Variants in SNX31 observed in about 807,000 individuals in gnomAD.
The protein encoded by SNX31 is sorting nexin 31, also known as sorting nexin-31.
SNX31 carries 58 observed loss-of-function variants against 65.4 expected under a neutral mutation model. That is an observed-to-expected ratio of 0.89 (90% CI 0.72 to 1.10). The LOEUF (loss-of-function observed/expected upper bound fraction) is 1.10. Among genes scored for constraint, SNX31 ranks in the 50% least tolerant of loss-of-function variants. The probability of loss-of-function intolerance (pLI) is 0.00; values close to 1 mark genes in which losing one functional copy is unlikely to be tolerated. For synonymous variants in SNX31, 181 were observed against 190.1 expected (o/e 0.95, Z 0.39); for missense variants, 523 against 529.7 (o/e 0.99, Z 0.12).
intron 11 of SNX31, among the ~76,000 whole-genome samples, chr8:100,584,629 G>T (rs1374721635): frequency 6.6e-6 from 1 of 151,586 alleles, no homozygotes; most frequent in Non-Finnish European, 1.5e-5. Flanking sequence ...CCTCTACTGG[G>T]CATAAAAGTA....
chr8:100,577,180 G>A (rs1053469044), intron 12 of SNX31, 105 bp from the exon 13 acceptor site: 21 of 979,134 alleles, frequency 2.1e-5, no homozygotes, highest in Non-Finnish European at 2.6e-5. Context: ...CCTCTTAATC[G>A]TCCCAAAGGC....
At chr8:100,617,058 C>A (rs187076038) in intron 5 of SNX31, among the ~76,000 whole-genome samples, 248 of 152,234 alleles carry the variant, frequency 1.6e-3, no homozygotes, top group African/African-American at 5.8e-3. Context: ...GTCTGGGAGG[C>A]AGAGCTGCTG....
chr8:100,594,018 G>A lies in SNX31; in HGVS notation c.978+2621C>T, dbSNP rs1198286149. Among the ~76,000 whole-genome samples the A allele has an allele frequency of 6.6e-6, 1 of 152,034 alleles. No homozygotes were observed. The highest frequency in any genetic ancestry group is 1.5e-5 in the Non-Finnish European group (1 of 68,008). On this transcript the variant is annotated intron_variant, in intron 10 of 13. Transcript: ENST00000311812. This position sits in a 1 kb window ranked among gnomAD's most constrained non-coding sequence, Gnocchi z 4.0. ...GTTTAAGAGGATGAAAAACTATAGA[G>A]TGGGCCAGGTGTGGTGGCTCACACC...
intron 10 of SNX31, among the ~76,000 whole-genome samples, chr8:100,595,989 A>C (rs867771078): frequency 2.0e-5 from 3 of 152,216 alleles, no homozygotes; most frequent in African/African-American, 7.2e-5. Context: ...ATCGAATGCC[A>C]CAGAGAGGTC....
In SNX31 at chr8:100,649,326, C is replaced by T; in HGVS notation, c.89G>A (p.Gly30Glu). Residue 30 changes from glycine to glutamate, a missense_variant, in exon 2 of 14, where the codon GGG becomes GAG. Gly to Glu is a moderately conservative substitution (Grantham distance 98, BLOSUM62 -2). Transcript: ENST00000311812. ...RYVLYSVHLD[G>E]FLFCRVRYSQ... ...GTAGCGCACCCTGCAGAAGAGGAAC[C>T]CGTCCAGGTGCACGGAGTACAGCTG... The T allele has an allele frequency of 1.2e-6, 2 of 1,614,084 alleles. No individual in the cohort carries two copies. The highest frequency in any genetic ancestry group is 4.5e-5 in the East Asian group (2 of 44,880).
chr8:100,632,879 G>C (rs1413574739), intron 3 of SNX31, among the ~76,000 whole-genome samples: 1 of 152,028 alleles, frequency 6.6e-6, no homozygotes, highest in East Asian at 1.9e-4. Context: ...TTACAGGTGT[G>C]AGCCACCACG....
chr8:100,589,301 CAAA>C (rs35464482), intron 10 of SNX31, among the ~76,000 whole-genome samples: 2 of 96,424 alleles, frequency 2.1e-5, no homozygotes, highest in Non-Finnish European at 4.4e-5. Flanking sequence ...GACTTCGTCT[CAAA>C]AAAAAAAAAA....
intron 9 of SNX31, 120 bp from the exon 10 acceptor site, chr8:100,596,962 G>A (rs866980919): frequency 6.1e-6 from 5 of 822,760 alleles, no homozygotes; most frequent in Non-Finnish European, 1.0e-5. Context: ...ATGGAACTGA[G>A]TCACAGTGAA....
chr8:100,649,161 G>A lies in SNX31; in HGVS notation c.141+113C>T, dbSNP rs574650029. On this transcript the variant is annotated intron_variant, in intron 2 of 13. Transcript: ENST00000311812. ...GACCCTGTTTCACAATAGGAAGCCC[G>A]AGGCCGTGAAAGGCCCAGTGTCTTG... is the stretch of plus-strand genomic sequence containing the variant. 8.0e-5 allele frequency: 80 copies of A among 997,820 alleles called. 1 individual carries two copies. In the South Asian group the frequency reaches 1.1e-3, roughly 13 times the overall value. 61.8% of individuals were successfully genotyped at this position (997,820 alleles called of 1,614,324 possible).
Position 100,656,251 on chromosome 8 carries a change from C to T in SNX31, c.-58+6891G>A, listed in dbSNP as rs112714999. Among the ~76,000 whole-genome samples the T allele has an allele frequency of 2.6e-4, 39 of 152,298 alleles. 1 individual carries two copies. Among genetic ancestry groups the T allele is most frequent in the African/African-American group, 8.7e-4 (36 of 41,572 alleles). ...CATGCTTGGTCTCTCAAGTCACCTG[C>T]TTGTCCCTCTTCCAAGTGTACTTTC... is the stretch of plus-strand genomic sequence containing the variant. On this transcript the variant is annotated intron_variant, in intron 1 of 5. Coordinates refer to the SNX31 transcript ENST00000520352.
intron 13 of SNX31, among the ~76,000 whole-genome samples, chr8:100,574,684 C>T (rs930423152): frequency 4.6e-5 from 7 of 151,816 alleles, no homozygotes; most frequent in African/African-American, 1.5e-4. Context: ...CCTGTAATCC[C>T]AGCACGTTGG....
chr8:100,598,588 G>A (rs1021282236), intron 9 of SNX31, among the ~76,000 whole-genome samples: 1 of 151,614 alleles, frequency 6.6e-6, no homozygotes, highest in South Asian at 2.1e-4. Flanking sequence ...TTCGATAAAA[G>A]GGTGTTGTGA....
rs1418741146 is a variant in SNX31 at position 100,612,452 on chromosome 8, T to C, written c.524-365A>G. On this transcript the variant is annotated intron_variant, in intron 6 of 13. Coordinates refer to ENST00000311812, the MANE Select transcript of SNX31 (RefSeq NM_152628.4). This position sits in a 1 kb window ranked among gnomAD's most constrained non-coding sequence, Gnocchi z 4.3. ...TCCCCTGGCTTCTTGAGGACATTTA[T>C]AAACTACTTTAATATAACTGATACC... 6.7e-6 allele frequency among the ~76,000 whole-genome samples: 1 copy of C among 150,064 alleles called. No individual in the cohort carries two copies.
intron 2 of SNX31, among the ~76,000 whole-genome samples, chr8:100,641,565 A>AAATATAT (rs1554587369): frequency 1.2e-4 from 4 of 32,104 alleles, no homozygotes; most frequent in East Asian, 8.1e-4. Context: ...AAAAAAAAAA[A>AAATATAT]ATATATATAT....
rs1238723031 is a variant in SNX31 at position 100,618,391 on chromosome 8, A to G, written c.322-661T>C. On this transcript the variant is annotated intron_variant, in intron 4 of 13. Transcript: ENST00000311812. ...ATATCCCTGATTTTTTCTGACACTAATTGTGGGTGGGGGCAGGGGGAAGGT... is the reference window on the plus strand; with the variant it reads ...ATATCCCTGATTTTTTCTGACACTAGTTGTGGGTGGGGGCAGGGGGAAGGT... 25 of 1,482,962 alleles carry G rather than the reference A, an allele frequency of 1.7e-5. No homozygotes were observed. In the East Asian group the frequency reaches 5.9e-4, roughly 35 times the overall value. The allele number at this position is 1,482,962 out of a possible 1,614,324, so 91.9% of individuals were successfully genotyped here.
intron 5 of SNX31, among the ~76,000 whole-genome samples, chr8:100,617,089 G>A (rs943669526): frequency 6.6e-6 from 1 of 152,046 alleles, no homozygotes; most frequent in Non-Finnish European, 1.5e-5. Context: ...AAGCCTTCTG[G>A]GTCTTGTCCT....
chr8:100,662,849 T>A (rs1213844961), intron 1 of SNX31, among the ~76,000 whole-genome samples: 2 of 152,170 alleles, frequency 1.3e-5, no homozygotes, highest in Non-Finnish European at 2.9e-5. Flanking sequence ...AAATATTTGT[T>A]CCCAAAAATA....
At chr8:100,646,120 C>T (rs1469764783) in intron 2 of SNX31, among the ~76,000 whole-genome samples, 1 of 151,988 alleles carries the variant, frequency 6.6e-6, no homozygotes, top group East Asian at 1.9e-4. Flanking sequence ...TGAAGCTTCA[C>T]TGAAAAACCA....
intron 4 of SNX31, among the ~76,000 whole-genome samples, chr8:100,621,516 C>T (rs1487415262): frequency 6.6e-6 from 1 of 152,108 alleles, no homozygotes; most frequent in African/African-American, 2.4e-5. Context: ...TCCATATTTC[C>T]CATCTTAAAT....
Sources: gnomAD v4.1 joint callset for allele counts (sites outside exome capture counted in the v4.1 genomes callset) on GRCh38, gnomAD v4.1.1 for gene constraint, Gnocchi (gnomAD v3.1) non-coding constraint, MANE v1.5 for transcripts, NCBI Gene and HGNC (gene_info 2026-07-23, HGNC 2026-07-21) for gene names.